Variants in CD36 observed in about 807,000 individuals in gnomAD.
The protein encoded by CD36 is CD36 molecule (CD36 blood group).
A neutral mutation model predicts 55.2 loss-of-function variants in CD36; 119 were observed. The observed-to-expected ratio is 2.15, with a 90% CI of 1.86 to 2.51. CD36 has a LOEUF of 2.51. Among genes scored for constraint, CD36 ranks in the 30% most tolerant of loss-of-function variants. CD36 has a pLI of 0.00. For synonymous variants in CD36, 186 were observed against 193.6 expected, an observed-to-expected ratio of 0.96 and a Z score of 0.33; for missense variants, 819 against 555.5, an observed-to-expected ratio of 1.47 and a Z score of -4.77.
At position 80,671,999 on chromosome 7, in the gene CD36, C is replaced by CCAAATGAAGAAGAA; in HGVS notation, c.1087_1100dup (p.His367GlnfsTer15). 2 of 1,607,924 alleles carry CCAAATGAAGAAGAA rather than the reference C, an allele frequency of 1.2e-6. No homozygotes were observed. Among genetic ancestry groups the CCAAATGAAGAAGAA allele is most frequent in the Non-Finnish European group, 1.7e-6 (2 of 1,175,332 alleles). On this transcript the variant is annotated frameshift_variant, in exon 11 of 15. Transcript: ENST00000447544. LOFTEE classifies it high-confidence loss of function. ...TTCAGAACCTATTGATGGATTAAAC[C>CCAAATGAAGAAGAA]CAAATGAAGAAGAACATAGGACATA...
chr7:80,654,690 T>A (rs1795902160), intron 3 of CD36, among the ~76,000 whole-genome samples: 2 of 152,136 alleles, frequency 1.3e-5, no homozygotes, highest in Admixed American at 1.3e-4. Flanking sequence ...AAAGATTCCA[T>A]CACTCTAGCA....
At chr7:80,670,056 G>A in intron 9 of CD36, 34 bp downstream of exon 9, 1 of 1,330,902 alleles carries the variant, frequency 7.5e-7, no homozygotes. Flanking sequence ...GTATGTCTGA[G>A]TCAGACCCCA....
intron 1 of CD36, among the ~76,000 whole-genome samples, chr7:80,611,091 C>T (rs1792853758): frequency 6.6e-6 from 1 of 152,028 alleles, no homozygotes; most frequent in South Asian, 2.1e-4. Context: ...CTATGTTGCC[C>T]AGGCTGGTCT....
chr7:80,604,585 T>G (rs1584251442), intron 1 of CD36, among the ~76,000 whole-genome samples: 1 of 151,552 alleles, frequency 6.6e-6, no homozygotes, highest in East Asian at 2.0e-4. Flanking sequence ...ACACAAACAC[T>G]ATAGTACAAA....
chr7:80,664,272 A>T lies in CD36; in HGVS notation c.610-134A>T, dbSNP rs941909839. On this transcript the variant is annotated intron_variant, in intron 6 of 14. Coordinates refer to ENST00000447544, the MANE Select transcript of CD36 (RefSeq NM_001001548.3). ...TCACAATTTTTAAGGCCAATAATTT[A>T]AAAAAATGTATTGCAGATGTATTTC... The T allele has an allele frequency of 1.6e-5, 10 of 609,988 alleles. No homozygotes were observed. In the Admixed American group the frequency reaches 2.1e-4, roughly 13 times the overall value. 37.8% of individuals were successfully genotyped at this position (609,988 alleles called of 1,614,324 possible).
At chr7:80,668,560 C>T (rs1044720802) in intron 8 of CD36, among the ~76,000 whole-genome samples, 1 of 152,138 alleles carries the variant, frequency 6.6e-6, no homozygotes, top group Non-Finnish European at 1.5e-5. Context: ...AAAAAAAGCT[C>T]TGCAAATATC....
At chr7:80,662,528 T>G in intron 5 of CD36, 1 of 288,440 alleles carries the variant, frequency 3.5e-6, no homozygotes, top group Non-Finnish European at 7.2e-6. Context: ...CCTGCAACAA[T>G]TGTCTGCGCC....
intron 12 of CD36, 194 bp from the exon 13 acceptor site, chr7:80,673,160 GA>G (rs906616722): frequency 1.8e-5 from 9 of 505,692 alleles, no homozygotes; most frequent in Admixed American, 7.4e-5. Flanking sequence ...CCACACTTGT[GA>G]AAAAAAATCA....
rs1314886401 is a variant in CD36, at chr7:80,674,106, A to ATGAT, written c.1380_1383dup (p.Ser462AspfsTer93). 98 of 1,612,352 alleles carry ATGAT rather than the reference A, an allele frequency of 6.1e-5. No homozygotes were observed. Among genetic ancestry groups the ATGAT allele is most frequent in the Non-Finnish European group, 8.1e-5 (96 of 1,178,994 alleles). ...TGGTGTGGTGATGTTTGTTGCTTTT[A>ATGAT]TGATTTCATATTGTGCATGCAGATC... On this transcript the variant is annotated frameshift_variant, in exon 14 of 15. Coordinates refer to ENST00000447544, the MANE Select transcript of CD36 (RefSeq NM_001001548.3). LOFTEE classifies it high-confidence loss of function.
At chr7:80,644,343 C>T (rs1215003742) in intron 1 of CD36, among the ~76,000 whole-genome samples, 1 of 152,152 alleles carries the variant, frequency 6.6e-6, no homozygotes, top group African/African-American at 2.4e-5. Flanking sequence ...TATGTGCATT[C>T]CCTTTACATT....
At chr7:80,670,786 A>T in intron 9 of CD36, 191 bp from the exon 10 acceptor site, 2 of 586,638 alleles carry the variant, frequency 3.4e-6, no homozygotes, top group Non-Finnish European at 6.1e-6. Context: ...CTTCACAAAC[A>T]AGAATAGTTC....
chr7:80,662,585 CTT>C (rs34614420), intron 5 of CD36: 3,756 of 196,136 alleles, frequency 0.019, no homozygotes, highest in South Asian at 0.066. Flanking sequence ...AGACTTATGG[CTT>C]TTTTTTTTTT....
intron 1 of CD36, among the ~76,000 whole-genome samples, chr7:80,610,750 A>G (rs1792835009): frequency 6.6e-6 from 1 of 151,326 alleles, no homozygotes; most frequent in South Asian, 2.1e-4. Context: ...AATTTTTTGG[A>G]TTTTTACTAG....
Position 80,673,331 on chromosome 7 carries a change from A to ATAAACT in CD36, c.1200-24_1200-23insTAAACT, listed in dbSNP as rs777680477. 44 of 1,083,744 alleles carry ATAAACT rather than the reference A, an allele frequency of 4.1e-5. No individual in the cohort carries two copies. The East Asian group carries it at 6.5e-4, about 16-fold the overall frequency. The allele number at this position is 1,083,744 out of a possible 1,614,324, so 67.1% of individuals were successfully genotyped here. ...TATAAATATTAGTTTATATGTTCAT[A>ATAAACT]ATTATTTTCAACGTATATTACAGAG... On this transcript the variant is annotated intron_variant, in intron 12 of 14. Transcript: ENST00000447544.
At chr7:80,630,122 G>A (rs1381733153) in intron 1 of CD36, among the ~76,000 whole-genome samples, 2 of 151,996 alleles carry the variant, frequency 1.3e-5, no homozygotes, top group African/African-American at 4.8e-5. Context: ...GGTGCTAAAT[G>A]TGAGGTTAAG....
At chr7:80,652,513 A>G (rs1273043345) in intron 3 of CD36, among the ~76,000 whole-genome samples, 6 of 152,222 alleles carry the variant, frequency 3.9e-5, no homozygotes, top group Non-Finnish European at 7.3e-5. Context: ...ACACACTTGC[A>G]TAATGCAAAA....
chr7:80,609,167 T>G (rs145255601), intron 1 of CD36, among the ~76,000 whole-genome samples: 1,598 of 152,320 alleles, frequency 0.01, 28 homozygotes, highest in African/African-American at 0.036. Context: ...TTTGGTATAG[T>G]ATGTGTTACA....
intron 1 of CD36, among the ~76,000 whole-genome samples, chr7:80,603,109 T>G (rs1270279061): frequency 6.6e-6 from 1 of 152,186 alleles, no homozygotes; most frequent in African/African-American, 2.4e-5. Flanking sequence ...GAATTTTTAT[T>G]ATATGGTGTG....
chr7:80,667,812 C>A lies in CD36; in HGVS notation c.748+1323C>A, dbSNP rs3211924. ...GTTGCCAGGCTGGAGTGCAGTGGTG[C>A]GATCTCGGCTCACTGCAACCTCTGC... On this transcript the variant is annotated intron_variant, in intron 8 of 14. Coordinates refer to ENST00000447544, the MANE Select transcript of CD36 (RefSeq NM_001001548.3). Among the ~76,000 whole-genome samples the A allele has an allele frequency of 6.7e-5, 9 of 134,130 alleles. No homozygotes were observed. The East Asian group carries it at 1.6e-3, about 23-fold the overall frequency. 88.0% of individuals were successfully genotyped at this position (134,130 alleles called of 152,430 possible).
Sources: allele counts gnomAD v4.1 joint callset (sites outside exome capture counted in the v4.1 genomes callset), GRCh38; gene constraint gnomAD v4.1.1; transcripts MANE v1.5; gene names NCBI Gene and HGNC (gene_info 2026-07-23, HGNC 2026-07-21).